The following MAP3K1 variants were observed in gnomAD, a reference collection of about 807,000 sequenced individuals.
MAP3K1 encodes the protein mitogen-activated protein kinase kinase kinase 1.
Under a neutral mutation model 144.2 loss-of-function variants are expected in MAP3K1, and 36 were observed. The ratio of observed to expected loss-of-function variants is 0.25; its 90% CI spans 0.19 to 0.33. The LOEUF is 0.33. Ranked by LOEUF, MAP3K1 falls within the 10% of genes least tolerant of loss-of-function variation. MAP3K1 has a pLI of 1.00. For missense variants in MAP3K1, 1,650 were observed against 1,881.9 expected (o/e 0.88, Z 2.28); for synonymous variants, 718 against 688.7 (o/e 1.04, Z -0.67).
At chr5:56,848,307 A>T (rs1038858152) in intron 1 of MAP3K1, among the ~76,000 whole-genome samples, 1 of 152,204 alleles carries the variant, frequency 6.6e-6, no homozygotes, top group African/African-American at 2.4e-5. Context: ...AGTTACTTAC[A>T]TATCCCTAGA....
chr5:56,819,525 AG>A (rs1277889968), intron 1 of MAP3K1, among the ~76,000 whole-genome samples: 1 of 152,102 alleles, frequency 6.6e-6, no homozygotes, highest in African/African-American at 2.4e-5. Context: ...GGAAGAAATG[AG>A]GGGGTGGCAA....
At chr5:56,861,849 T>C (rs1479721116) in intron 3 of MAP3K1, among the ~76,000 whole-genome samples, 1 of 151,992 alleles carries the variant, frequency 6.6e-6, no homozygotes, top group Non-Finnish European at 1.5e-5. Context: ...GAACAAATGA[T>C]TGAATGGAAA....
At chr5:56,876,146 A>G (rs955546668) in intron 10 of MAP3K1, among the ~76,000 whole-genome samples, 1 of 132,630 alleles carries the variant, frequency 7.5e-6, no homozygotes, top group Non-Finnish European at 1.6e-5. Flanking sequence ...CAGTACTATT[A>G]ACATTTGTTA....
intron 19 of MAP3K1, 78 bp downstream of exon 19, chr5:56,888,435 T>C: frequency 1.6e-6 from 2 of 1,242,212 alleles, no homozygotes; most frequent in Non-Finnish European, 2.3e-6. Flanking sequence ...TTTTGATGGG[T>C]TCTCCCTAAC....
intron 1 of MAP3K1, among the ~76,000 whole-genome samples, chr5:56,855,146 T>C (rs111155345): frequency 8.0e-6 from 1 of 124,332 alleles, no homozygotes; most frequent in Non-Finnish European, 1.8e-5. Context: ...CTTTCTTCTC[T>C]GCCTTCTTCC....
chr5:56,873,370 T>C (rs576362504), intron 9 of MAP3K1, among the ~76,000 whole-genome samples: 2 of 152,362 alleles, frequency 1.3e-5, no homozygotes, highest in Non-Finnish European at 2.9e-5. Context: ...TCTTATTTGC[T>C]GCCATTTAAA....
At chr5:56,879,289 A>G (rs1381626366) in intron 11 of MAP3K1, among the ~76,000 whole-genome samples, 188 bp downstream of exon 11, 2 of 152,248 alleles carry the variant, frequency 1.3e-5, no homozygotes, top group African/African-American at 4.8e-5. Context: ...AACTACTGGC[A>G]AGTAAAAGCC....
intron 6 of MAP3K1, among the ~76,000 whole-genome samples, chr5:56,867,570 A>G (rs906342435): frequency 2.6e-5 from 4 of 152,328 alleles, no homozygotes; most frequent in Middle Eastern, 3.4e-3. Flanking sequence ...AACCGAAGAA[A>G]TGTTCATTTT....
intron 1 of MAP3K1, among the ~76,000 whole-genome samples, chr5:56,848,420 A>AGT (rs1747064617): frequency 6.6e-6 from 1 of 152,262 alleles, no homozygotes; most frequent in South Asian, 2.1e-4. Flanking sequence ...GTTGATTAGA[A>AGT]GTGATAATCA....
Position 56,894,342 on chromosome 5 carries a change from A to G in MAP3K1, c.*662A>G. 1 of 232,310 alleles carries G rather than the reference A, an allele frequency of 4.3e-6. No homozygotes were observed. 14.4% of individuals were successfully genotyped at this position (232,310 alleles called of 1,614,324 possible). On this transcript the variant is annotated 3_prime_UTR_variant, in exon 20 of 20. Transcript: ENST00000399503. ...TATTTACATTCATTTTTGTTTATTCAGGGAAAGCTGATCTTTTTTTCAAAC... is the reference window on the plus strand; with the variant it reads ...TATTTACATTCATTTTTGTTTATTCGGGGAAAGCTGATCTTTTTTTCAAAC...
intron 17 of MAP3K1, among the ~76,000 whole-genome samples, chr5:56,886,452 ATTTT>A (rs1554036309): frequency 1.3e-5 from 2 of 152,080 alleles, no homozygotes; most frequent in Non-Finnish European, 2.9e-5. Context: ...TAACAGTGGG[ATTTT>A]TTTCTCTGAG....
In MAP3K1 at chr5:56,882,103, A is replaced by G; in HGVS notation, c.2903A>G (p.Asn968Ser). The change falls in exon 14 of 20, where the codon AAC (asparagine) becomes AGC (serine). Residue 968 changes from asparagine to serine, a missense_variant. Physicochemically the swap from Asn to Ser is conservative, Grantham distance 46. Transcript: ENST00000399503. ...TKGRPHSQCL[N>S]SSPLSHHSQL... ...GGCAGACCCCACAGTCAGTGTTTGA[A>G]CTCCTCTCCTTTATCTCATCATTCC... 2 of 1,612,156 alleles carry G rather than the reference A, an allele frequency of 1.2e-6. No individual in the cohort carries two copies. Among genetic ancestry groups the G allele is most frequent in the Middle Eastern group, 1.6e-4 (1 of 6,062 alleles).
chr5:56,828,007 A>G (rs1581208616), intron 1 of MAP3K1, among the ~76,000 whole-genome samples: 1 of 152,220 alleles, frequency 6.6e-6, no homozygotes. Flanking sequence ...TTGATCCAGA[A>G]AAGTATTCAG....
chr5:56,871,855 C>T, intron 6 of MAP3K1, 55 bp from the exon 7 acceptor site: 1 of 1,558,512 alleles, frequency 6.4e-7, no homozygotes, highest in South Asian at 1.1e-5. Context: ...TTTAGCATAT[C>T]CGTTCTACTT....
At chr5:56,873,520 A>G (rs962491228) in intron 9 of MAP3K1, among the ~76,000 whole-genome samples, 3 of 152,012 alleles carry the variant, frequency 2.0e-5, no homozygotes, top group Non-Finnish European at 4.4e-5. Context: ...TCCCTTTACC[A>G]TCTCTTCTGA....
chr5:56,877,530 T>A (rs1748077172), intron 10 of MAP3K1, among the ~76,000 whole-genome samples: 1 of 151,660 alleles, frequency 6.6e-6, no homozygotes, highest in African/African-American at 2.4e-5. Flanking sequence ...ATTTTTTTTT[T>A]TTTTTTTGCT....
intron 6 of MAP3K1, among the ~76,000 whole-genome samples, chr5:56,866,527 T>C (rs1026892141): frequency 6.6e-6 from 1 of 152,214 alleles, no homozygotes; most frequent in African/African-American, 2.4e-5. Context: ...GTGAATCTTC[T>C]TTCTGTTCTG....
At chr5:56,884,606 T>G (rs1748323398) in intron 15 of MAP3K1, 58 bp from the exon 16 acceptor site, 2 of 1,537,428 alleles carry the variant, frequency 1.3e-6, no homozygotes, top group Non-Finnish European at 1.8e-6. Context: ...TTGTTCATTT[T>G]AGATCAGATT....
intron 14 of MAP3K1, 60 bp from the exon 15 acceptor site, chr5:56,883,467 C>G: frequency 1.3e-6 from 2 of 1,525,108 alleles, no homozygotes; most frequent in Non-Finnish European, 1.8e-6. Context: ...ATCTTGCAGA[C>G]TAATTTCACA....
Sources: allele counts gnomAD v4.1 joint callset (sites outside exome capture counted in the v4.1 genomes callset), GRCh38; gene constraint gnomAD v4.1.1; transcripts MANE v1.5; gene names NCBI Gene and HGNC (gene_info 2026-07-23, HGNC 2026-07-21).